Variants in SMYD3 observed in about 807,000 individuals in gnomAD.
SMYD3 encodes SET and MYND domain containing 3, also known as histone-lysine N-methyltransferase SMYD3.
Under a neutral mutation model 57.7 loss-of-function variants are expected in SMYD3, and 36 were observed. The ratio of observed to expected loss-of-function variants is 0.62; its 90% CI spans 0.48 to 0.82. The LOEUF is 0.82. Among genes scored for constraint, SMYD3 ranks in the 40% least tolerant of loss-of-function variants. The pLI is 0.00. For synonymous variants in SMYD3, 211 were observed against 195.0 expected (o/e 1.08, Z -0.68); for missense variants, 515 against 538.8 (o/e 0.96, Z 0.44).
chr1:246,060,869 C>G (rs1429189492), intron 5 of SMYD3, among the ~76,000 whole-genome samples: 1 of 152,222 alleles, frequency 6.6e-6, no homozygotes, highest in Non-Finnish European at 1.5e-5. Context: ...GCTGACTACA[C>G]ACATCTATTC....
At chr1:246,029,691 G>GAAAGAA (rs1286526274) in intron 5 of SMYD3, among the ~76,000 whole-genome samples, 3 of 138,836 alleles carry the variant, frequency 2.2e-5, no homozygotes, top group South Asian at 2.4e-4. Flanking sequence ...AAAAAAAAAA[G>GAAAGAA]AAAGAAAAAG....
intron 5 of SMYD3, among the ~76,000 whole-genome samples, chr1:246,018,143 C>T (rs761123225): frequency 3.3e-5 from 5 of 152,172 alleles, no homozygotes; most frequent in African/African-American, 4.8e-5. Flanking sequence ...GGGAAATATA[C>T]GTATGTGGAA....
chr1:246,414,083 G>A, intron 1 of SMYD3, among the ~76,000 whole-genome samples: 1 of 152,280 alleles, frequency 6.6e-6, no homozygotes, highest in South Asian at 2.1e-4. Context: ...ACACAGAAAT[G>A]TATCCCTACA....
intron 5 of SMYD3, among the ~76,000 whole-genome samples, chr1:246,087,885 T>C (rs1158834859): frequency 6.6e-6 from 1 of 152,088 alleles, no homozygotes; most frequent in Non-Finnish European, 1.5e-5. Context: ...TCTAACCAAC[T>C]ACATCATAGC....
chr1:246,448,602 C>T (rs2067581918), intron 1 of SMYD3, among the ~76,000 whole-genome samples: 1 of 147,742 alleles, frequency 6.8e-6, no homozygotes, highest in Non-Finnish European at 1.5e-5. Context: ...TACTGTCTAG[C>T]AACTAGCCCA....
intron 1 of SMYD3, among the ~76,000 whole-genome samples, chr1:246,493,547 G>A (rs895826192): frequency 6.6e-6 from 1 of 152,160 alleles, no homozygotes; most frequent in African/African-American, 2.4e-5. Flanking sequence ...TCCCAATCCT[G>A]AGAAGCTTTT....
At chr1:245,838,440 T>C (rs2050211944) in intron 10 of SMYD3, among the ~76,000 whole-genome samples, 1 of 152,214 alleles carries the variant, frequency 6.6e-6, no homozygotes, top group South Asian at 2.1e-4. Flanking sequence ...AGGTAAGAAA[T>C]GTTCTCCCAC....
intron 5 of SMYD3, among the ~76,000 whole-genome samples, chr1:245,993,578 AAAGAT>A (rs1558566097): frequency 4.1e-5 from 1 of 24,124 alleles, no homozygotes; most frequent in South Asian, 1.7e-3. Flanking sequence ...CAAAAAAAAA[AAAGAT>A]AGATAGATAG....
chr1:245,950,267 C>A (rs1013946389), intron 5 of SMYD3, among the ~76,000 whole-genome samples: 6 of 152,094 alleles, frequency 3.9e-5, no homozygotes, highest in African/African-American at 1.4e-4. Context: ...TTCCATCTAC[C>A]GACCCCCACA....
intron 5 of SMYD3, among the ~76,000 whole-genome samples, chr1:246,258,474 G>A (rs1366985244): frequency 1.3e-5 from 2 of 152,138 alleles, no homozygotes; most frequent in Non-Finnish European, 2.9e-5. Context: ...CTTCATTTAT[G>A]AAGCTTCATT....
At chr1:246,381,964 C>G (rs973852118) in intron 1 of SMYD3, among the ~76,000 whole-genome samples, 1 of 147,242 alleles carries the variant, frequency 6.8e-6, no homozygotes, top group Admixed American at 6.7e-5. Context: ...CAGCTGACAC[C>G]TATGGGATCC....
At chr1:245,822,213 A>G (rs2049199911) in intron 10 of SMYD3, among the ~76,000 whole-genome samples, 1 of 152,092 alleles carries the variant, frequency 6.6e-6, no homozygotes, top group African/African-American at 2.4e-5. Context: ...AATACTATGC[A>G]GCCATACAAA....
chr1:246,098,144 C>A (rs549697475), intron 5 of SMYD3, among the ~76,000 whole-genome samples: 2 of 152,288 alleles, frequency 1.3e-5, no homozygotes, highest in East Asian at 3.9e-4. Flanking sequence ...AAAACTATAT[C>A]TATACCCGCA....
intron 5 of SMYD3, among the ~76,000 whole-genome samples, chr1:246,169,196 A>G (rs2062277127): frequency 6.6e-6 from 1 of 152,088 alleles, no homozygotes; most frequent in African/African-American, 2.4e-5. Flanking sequence ...AGTCTGCAAA[A>G]GACAGATGCC....
At chr1:246,306,207 C>T (rs1273473091) in intron 5 of SMYD3, among the ~76,000 whole-genome samples, 1 of 152,100 alleles carries the variant, frequency 6.6e-6, no homozygotes, top group Non-Finnish European at 1.5e-5. Context: ...GGCGTGGTGG[C>T]GCCTGCCTGT....
chr1:246,148,223 T>C (rs2061887545), intron 5 of SMYD3, among the ~76,000 whole-genome samples: 1 of 152,104 alleles, frequency 6.6e-6, no homozygotes, highest in African/African-American at 2.4e-5. Context: ...CATAAAAGCC[T>C]CAGGCTCAGC....
chr1:246,295,379 G>A (rs2064773839), intron 5 of SMYD3, among the ~76,000 whole-genome samples: 1 of 152,154 alleles, frequency 6.6e-6, no homozygotes, highest in East Asian at 1.9e-4. Flanking sequence ...CAAACAAAGT[G>A]TTTGTTTTCT....
intron 10 of SMYD3, among the ~76,000 whole-genome samples, chr1:245,806,307 ATTTG>A (rs1486417109): frequency 2.6e-5 from 4 of 152,316 alleles, no homozygotes. Flanking sequence ...AACAGCTTAT[ATTTG>A]TTGAATGCTT....
Position 245,884,160 on chromosome 1 carries a change from T to C in SMYD3, c.814-20274A>G, listed in dbSNP as rs111815175. Among the ~76,000 whole-genome samples, 515 of 152,236 alleles carry C rather than the reference T, an allele frequency of 3.4e-3. 4 individuals are homozygous for C. Among genetic ancestry groups the C allele is most frequent in the African/African-American group, 0.012 (490 of 41,546 alleles). ...TTCTTAAAAAAGCCCAAAAGGTCAG[T>C]ACATCGAATCCAAATACCTATAGCT... On this transcript the variant is annotated intron_variant, in intron 8 of 11. Coordinates refer to ENST00000490107, the MANE Select transcript of SMYD3 (RefSeq NM_001167740.2).
Sources: gnomAD v4.1 joint callset for allele counts (sites outside exome capture counted in the v4.1 genomes callset) on GRCh38, gnomAD v4.1.1 for gene constraint, MANE v1.5 for transcripts, NCBI Gene and HGNC (gene_info 2026-07-23, HGNC 2026-07-21) for gene names.